Variants in CEP250 observed in about 807,000 individuals in gnomAD.
The protein encoded by CEP250 is centrosomal protein 250.
A neutral mutation model predicts 315.7 loss-of-function variants in CEP250; 242 were observed. The observed-to-expected ratio is 0.77, with a 90% CI of 0.69 to 0.85. The LOEUF (loss-of-function observed/expected upper bound fraction) is 0.85, where lower values mean the gene tolerates loss of function less well. CEP250 is among the 40% of genes least tolerant of loss of function. The pLI, the probability that CEP250 is intolerant of heterozygous loss-of-function variation, is 0.00. For synonymous variants in CEP250, 1,088 were observed against 1,175.0 expected (o/e 0.93, Z 1.51); for missense variants, 2,515 against 2,886.4 (o/e 0.87, Z 2.95).
At chr20:35,473,593 C>T in intron 13 of CEP250, 41 bp downstream of exon 13, 3 of 1,537,378 alleles carry the variant, frequency 2.0e-6, no homozygotes, top group Non-Finnish European at 2.6e-6. Flanking sequence ...CCAGCCTGGT[C>T]TCAGTCTCAG....
At chr20:35,486,390 C>A (rs1326293928) in intron 20 of CEP250, among the ~76,000 whole-genome samples, 1 of 151,816 alleles carries the variant, frequency 6.6e-6, no homozygotes, top group Non-Finnish European at 1.5e-5. Context: ...TACAGGCATG[C>A]ACCATCATGC....
intron 13 of CEP250, 101 bp downstream of exon 13, chr20:35,473,653 C>G (rs1243793648): frequency 8.0e-7 from 1 of 1,257,204 alleles, no homozygotes; most frequent in Non-Finnish European, 1.1e-6. Context: ...GGGTGCTGAT[C>G]CTGTTCTCCT....
intron 3 of CEP250, among the ~76,000 whole-genome samples, chr20:35,461,620 C>A (rs2146664940): frequency 6.6e-6 from 1 of 152,342 alleles, no homozygotes; most frequent in East Asian, 1.9e-4. Flanking sequence ...GTGTTCAAAT[C>A]TCTCTCAACC....
At chr20:35,475,086 C>T (rs2063132508) in intron 14 of CEP250, among the ~76,000 whole-genome samples, 3 of 152,120 alleles carry the variant, frequency 2.0e-5, no homozygotes, top group Admixed American at 2.0e-4. Flanking sequence ...TGCCTGTAGC[C>T]ATGGCAAGGT....
In CEP250 at chr20:35,483,453, A is replaced by T. The variant is rs535253914; in HGVS notation, c.2586+3308A>T. 8.2e-4 allele frequency among the ~76,000 whole-genome samples: 125 copies of T among 152,044 alleles called. 1 individual carries two copies. Among genetic ancestry groups the T allele is most frequent in the South Asian group, 1.9e-3 (9 of 4,822 alleles). ...CTGCAGCCTCAAACTCCTGAGCTCA[A>T]GTGAGTCCTCCTGCCGCAGCCTCCG... is the stretch of plus-strand genomic sequence containing the variant. On this transcript the variant is annotated intron_variant, in intron 20 of 34. Transcript: ENST00000397527.
Position 35,504,731 on chromosome 20 carries a change from A to G in CEP250, c.6362A>G (p.Asn2121Ser). 1.2e-6 allele frequency: 2 copies of G among 1,614,184 alleles called. No homozygotes were observed. The highest frequency in any genetic ancestry group is 1.7e-6 in the Non-Finnish European group (2 of 1,180,028). Residue 2121 changes from asparagine to serine, a missense_variant, in exon 30 of 35, where the codon AAC becomes AGC. Coordinates refer to ENST00000397527, the MANE Select transcript of CEP250 (RefSeq NM_007186.6). Reference sequence around the variant, plus strand: ...CTGAGGGAGACCCAGCAAAGGAACAACCTGGAAGCCTTACCCCACAGCCAC... The same window carrying G: ...CTGAGGGAGACCCAGCAAAGGAACAGCCTGGAAGCCTTACCCCACAGCCAC... ...LELRETQQRNNLEALPHSHKT... is the reference protein window; with the variant it reads ...LELRETQQRNSLEALPHSHKT...
At position 35,472,777 on chromosome 20, in the gene CEP250, C is replaced by T. The variant is rs746919163; in HGVS notation, c.1155C>T (p.Asp385=). 4 of 1,614,166 alleles carry T rather than the reference C, an allele frequency of 2.5e-6. No homozygotes were observed. The highest frequency in any genetic ancestry group is 1.1e-5 in the South Asian group (1 of 91,076). Reference sequence around the variant, plus strand: ...CCCAGTTTGATTACCAGGATGCAGACAAGGCTCTTACTCTGGTGCGTTCAG... The same window carrying T: ...CCCAGTTTGATTACCAGGATGCAGATAAGGCTCTTACTCTGGTGCGTTCAG... ...IFSQFDYQDA[D]KALTLVRSVL... The change falls in exon 12 of 35, where the codon GAC becomes GAT. Residue 385 remains aspartate, a synonymous_variant. Transcript: ENST00000397527.
rs771825538 is a variant in CEP250, at chr20:35,504,428, G to A, written c.6059G>A (p.Arg2020Lys). The A allele has an allele frequency of 1.9e-6, 3 of 1,610,040 alleles. No homozygotes were observed. In the African/African-American group the frequency reaches 4.0e-5, roughly 22 times the overall value. The change falls in exon 30 of 35, where the codon AGG (arginine) becomes AAG (lysine). Residue 2020 changes from arginine (R) to lysine (K), a missense_variant. Arg to Lys is a conservative substitution (Grantham distance 26). Transcript: ENST00000397527. ...AGTCGGCAGCTGGAGGAGGCTCTGA[G>A]GATACAAGAAGGTGAGATCCAGGAC... is the stretch of plus-strand genomic sequence containing the variant. ...AHSRQLEEAL[R>K]IQEGEIQDQD...
chr20:35,483,732 C>T (rs1443297042), intron 20 of CEP250, among the ~76,000 whole-genome samples: 1 of 151,966 alleles, frequency 6.6e-6, no homozygotes, highest in Non-Finnish European at 1.5e-5. Flanking sequence ...CCTTTTTACT[C>T]TATCCTTCAT....
Position 35,490,672 on chromosome 20 carries a change from A to G in CEP250, c.2622A>G (p.Ala874=). The part of the protein sequence containing the change: ...KERSWHQQEL[A]KALESLEREK... ...GCTCCTGGCACCAGCAGGAGCTGGC[A>G]AAGGCTCTGGAGAGCTTAGAAAGGG... is the stretch of plus-strand genomic sequence containing the variant. The change falls in exon 21 of 35, where the codon GCA becomes GCG. Residue 874 remains alanine (A), a synonymous_variant. Transcript: ENST00000397527. 6.2e-7 allele frequency: 1 copy of G among 1,613,818 alleles called. No homozygotes were observed. Among genetic ancestry groups the G allele is most frequent in the Non-Finnish European group, 8.5e-7 (1 of 1,179,928 alleles).
intron 4 of CEP250, 88 bp downstream of exon 4, chr20:35,462,641 T>C (rs2062781804): frequency 8.4e-7 from 1 of 1,190,590 alleles, no homozygotes; most frequent in Non-Finnish European, 1.2e-6. Flanking sequence ...GGAGGCAGAG[T>C]CTTGTGGTGG....
At position 35,458,966 on chromosome 20, in the gene CEP250, C is replaced by CTTTTTTTTT. The variant is rs778598883; in HGVS notation, c.-227+612_-227+620dup. 4.4e-4 allele frequency among the ~76,000 whole-genome samples: 26 copies of CTTTTTTTTT among 59,228 alleles called. 5 individuals carry two copies. Among genetic ancestry groups the CTTTTTTTTT allele is most frequent in the African/African-American group, 1.4e-3 (19 of 13,286 alleles). The allele number at this position is 59,228 out of a possible 152,430, so 38.9% of individuals were successfully genotyped here. Reference sequence around the variant, plus strand: ...ATGGTATATTTGCTATAATGCAAATCTTTTTTTTTTTTTTTTTTTTTTTTT... The same window carrying CTTTTTTTTT: ...ATGGTATATTTGCTATAATGCAAATCTTTTTTTTTTTTTTTTTTTTTTTTTTTTTTTTTT... On this transcript the variant is annotated intron_variant, in intron 2 of 34. Coordinates refer to ENST00000397527, the MANE Select transcript of CEP250 (RefSeq NM_007186.6).
In CEP250 at chr20:35,501,934, C is replaced by A; in HGVS notation, c.3988C>A (p.Arg1330=). Residue 1330 remains arginine, a synonymous_variant, in exon 29 of 35, where the codon CGG becomes AGG. Transcript: ENST00000397527. ...ETMASLQSRL[R]RAELQRMEAQ... is the part of the protein sequence containing the mutation. The stretch of plus-strand genomic sequence containing the variant: ...TATGGCATCCTTACAGAGTCGCCTG[C>A]GGAGAGCAGAGCTACAGCGAATGGA... 6.2e-7 allele frequency: 1 copy of A among 1,613,256 alleles called. No individual in the cohort carries two copies. The highest frequency in any genetic ancestry group is 8.5e-7 in the Non-Finnish European group (1 of 1,179,996).
chr20:35,493,114 TCTCTA>T (rs953439526), intron 22 of CEP250, among the ~76,000 whole-genome samples: 2 of 152,022 alleles, frequency 1.3e-5, no homozygotes, highest in African/African-American at 2.4e-5. Context: ...GTATATGTAT[TCTCTA>T]CTCTCCTGAG....
chr20:35,477,363 C>A (rs901698478), intron 16 of CEP250, among the ~76,000 whole-genome samples: 2 of 152,040 alleles, frequency 1.3e-5, no homozygotes, highest in African/African-American at 4.8e-5. Context: ...CCATGTTGGC[C>A]AGGCTGATCT....
At position 35,467,086 on chromosome 20, in the gene CEP250, G is replaced by C. The variant is rs2033463467; in HGVS notation, c.599+14G>C. 6.4e-7 allele frequency: 1 copy of C among 1,557,550 alleles called. No homozygotes were observed. On this transcript the variant is annotated intron_variant, in intron 8 of 34. Transcript: ENST00000397527. The stretch of plus-strand genomic sequence containing the variant: ...AGCTACTGACAGGTCAGTGTGGGGA[G>C]AAGAAGGGAGGAGGTTTGCCCCTAC...
chr20:35,507,269 A>G, intron 30 of CEP250, among the ~76,000 whole-genome samples: 1 of 152,310 alleles, frequency 6.6e-6, no homozygotes, highest in East Asian at 1.9e-4. Context: ...ACTTAACCTA[A>G]GGACTTGATC....
chr20:35,469,832 G>A (rs1475192287), intron 9 of CEP250, 58 bp from the exon 10 acceptor site: 13 of 1,180,108 alleles, frequency 1.1e-5, no homozygotes, highest in Non-Finnish European at 1.5e-5. Context: ...GTGCTGCATC[G>A]TAGCTCTGTC....
intron 8 of CEP250, 107 bp downstream of exon 8, chr20:35,467,179 G>GGGGCCC: frequency 3.7e-6 from 2 of 534,906 alleles, no homozygotes; most frequent in Non-Finnish European, 7.1e-6. Flanking sequence ...GGTGGGTGGG[G>GGGGCCC]GAGTTGGTAG....
Sources: allele counts gnomAD v4.1 joint callset (sites outside exome capture counted in the v4.1 genomes callset), GRCh38; gene constraint gnomAD v4.1.1; transcripts MANE v1.5; gene names NCBI Gene and HGNC (gene_info 2026-07-23, HGNC 2026-07-21).